The following FHL5 variants were observed in gnomAD, a reference collection of about 807,000 sequenced individuals.
FHL5 encodes the protein four and a half LIM domains protein 5.
FHL5 carries 33 observed loss-of-function variants against 32.0 expected under a neutral mutation model. The ratio of observed to expected loss-of-function variants is 1.03; its 90% CI spans 0.78 to 1.38. The LOEUF (loss-of-function observed/expected upper bound fraction) is 1.38, where lower values mean the gene tolerates loss of function less well. FHL5 is among the 40% of genes most tolerant of loss of function. The probability of loss-of-function intolerance (pLI) is 0.00; values close to 1 mark genes in which losing one functional copy is unlikely to be tolerated. For missense variants in FHL5, 336 were observed against 343.9 expected, an observed-to-expected ratio of 0.98 and a Z score of 0.18; for synonymous variants, 114 against 113.6, an observed-to-expected ratio of 1.00 and a Z score of -0.02.
intron 1 of FHL5, among the ~76,000 whole-genome samples, chr6:96,589,928 A>C (rs1003239943): frequency 6.6e-6 from 1 of 152,086 alleles, no homozygotes; most frequent in African/African-American, 2.4e-5. Context: ...TAAAAAGACC[A>C]TTCCTATTCT....
chr6:96,588,091 T>G (rs2127965745), intron 1 of FHL5, among the ~76,000 whole-genome samples: 1 of 152,362 alleles, frequency 6.6e-6, no homozygotes, highest in African/African-American at 2.4e-5. Context: ...GGTGAAATTG[T>G]TGAGTCACAT....
At chr6:96,606,962 C>T (rs914850563) in intron 4 of FHL5, among the ~76,000 whole-genome samples, 1 of 152,072 alleles carries the variant, frequency 6.6e-6, no homozygotes, top group Admixed American at 6.5e-5. Flanking sequence ...AGAAAGAAGA[C>T]TAAGAGCAGC....
At chr6:96,595,155 A>G (rs931454739) in intron 1 of FHL5, among the ~76,000 whole-genome samples, 2 of 151,006 alleles carry the variant, frequency 1.3e-5, no homozygotes, top group African/African-American at 4.9e-5. Context: ...AATTCCCTTC[A>G]GTGAAGGTTT....
At chr6:96,574,221 T>C (rs1303898326) in intron 1 of FHL5, among the ~76,000 whole-genome samples, 1 of 152,212 alleles carries the variant, frequency 6.6e-6, no homozygotes, top group Non-Finnish European at 1.5e-5. Context: ...GTACAGAAAG[T>C]TCTTTTCAAA....
At chr6:96,571,909 G>T (rs1770486799) in intron 1 of FHL5, among the ~76,000 whole-genome samples, 1 of 152,124 alleles carries the variant, frequency 6.6e-6, no homozygotes, top group African/African-American at 2.4e-5. Context: ...TTTGCTTTCA[G>T]TACTCCAGAA....
intron 1 of FHL5, among the ~76,000 whole-genome samples, chr6:96,590,426 T>C (rs1028859286): frequency 2.6e-5 from 4 of 152,070 alleles, no homozygotes; most frequent in African/African-American, 9.6e-5. Context: ...CTGTTTGTTA[T>C]TGTTAAATAG....
intron 1 of FHL5, among the ~76,000 whole-genome samples, chr6:96,582,853 G>C (rs528686132): frequency 6.6e-5 from 10 of 152,226 alleles, no homozygotes; most frequent in Non-Finnish European, 1.5e-4. Context: ...GGAATGGAAA[G>C]AGCCTCCTTC....
At chr6:96,574,696 A>G (rs1378023900) in intron 1 of FHL5, among the ~76,000 whole-genome samples, 2 of 152,170 alleles carry the variant, frequency 1.3e-5, no homozygotes, top group Admixed American at 6.5e-5. Context: ...ATTTTTAAGA[A>G]GAGGTAAATA....
chr6:96,587,104 T>G (rs2127965385), intron 1 of FHL5, among the ~76,000 whole-genome samples: 1 of 152,326 alleles, frequency 6.6e-6, no homozygotes, highest in East Asian at 1.9e-4. Flanking sequence ...CTTGTTGACT[T>G]TCTGGAGGGC....
At chr6:96,586,702 T>C (rs1000447288) in intron 1 of FHL5, among the ~76,000 whole-genome samples, 5 of 152,146 alleles carry the variant, frequency 3.3e-5, no homozygotes, top group African/African-American at 1.2e-4. Context: ...ATTAATCCTT[T>C]GTGCCCTAAT....
At chr6:96,597,628 T>C (rs866728784) in intron 1 of FHL5, among the ~76,000 whole-genome samples, 1 of 152,218 alleles carries the variant, frequency 6.6e-6, no homozygotes, top group Non-Finnish European at 1.5e-5. Context: ...GCCCTAGTCT[T>C]CCTTTTCAAA....
intron 5 of FHL5, among the ~76,000 whole-genome samples, chr6:96,611,939 T>A (rs1026057644): frequency 6.6e-6 from 1 of 152,190 alleles, no homozygotes; most frequent in East Asian, 1.9e-4. Flanking sequence ...AAATAACTAA[T>A]GTAAAATCCA....
intron 1 of FHL5, among the ~76,000 whole-genome samples, chr6:96,573,629 C>G (rs1346378304): frequency 6.8e-6 from 1 of 146,376 alleles, no homozygotes; most frequent in African/African-American, 2.6e-5. Flanking sequence ...TCACGCCATT[C>G]TCCTGCCTCA....
intron 3 of FHL5, 55 bp from the exon 4 acceptor site, chr6:96,605,847 A>T: frequency 6.7e-7 from 1 of 1,486,924 alleles, no homozygotes. Context: ...GTATTTGCTT[A>T]AAAAATAAAA....
intron 4 of FHL5, among the ~76,000 whole-genome samples, chr6:96,607,863 G>T (rs1487908654): frequency 6.6e-6 from 1 of 151,820 alleles, no homozygotes; most frequent in East Asian, 1.9e-4. Context: ...ATGGTGACAC[G>T]TGCCTGTAGT....
chr6:96,601,821 CA>C (rs1771154746), intron 1 of FHL5, among the ~76,000 whole-genome samples: 1 of 152,212 alleles, frequency 6.6e-6, no homozygotes, highest in African/African-American at 2.4e-5. Flanking sequence ...TTAAACCTTT[CA>C]AGGGAATTAG....
In FHL5 at chr6:96,615,830, C is replaced by T; in HGVS notation, c.*58C>T. On this transcript the variant is annotated 3_prime_UTR_variant, in exon 6 of 6. Coordinates refer to ENST00000450218, the MANE Select transcript of FHL5 (RefSeq NM_001322466.2). ...GCCTTCGTTGTCACTAAAGCCAGAA[C>T]TCAGTTGCGGTCTTATTTTTGACTT... is the stretch of plus-strand genomic sequence containing the variant. 1 of 1,399,412 alleles carries T rather than the reference C, an allele frequency of 7.1e-7. No individual in the cohort carries two copies. The allele number at this position is 1,399,412 out of a possible 1,614,324, so 86.7% of individuals were successfully genotyped here.
At chr6:96,587,331 T>C (rs1394024327) in intron 1 of FHL5, among the ~76,000 whole-genome samples, 1 of 152,188 alleles carries the variant, frequency 6.6e-6, no homozygotes, top group Admixed American at 6.5e-5. Flanking sequence ...CTTCCTTTTG[T>C]TTCCTAATCT....
chr6:96,596,755 G>A (rs1253451824), intron 1 of FHL5, among the ~76,000 whole-genome samples: 1 of 151,920 alleles, frequency 6.6e-6, no homozygotes. Flanking sequence ...ATGACATTTT[G>A]ATGCCTAGTA....
Sources: allele counts gnomAD v4.1 joint callset (sites outside exome capture counted in the v4.1 genomes callset), GRCh38; gene constraint gnomAD v4.1.1; transcripts MANE v1.5; gene names NCBI Gene and HGNC (gene_info 2026-07-23, HGNC 2026-07-21).